Variants in CYP4F22 observed in about 807,000 individuals in gnomAD.
CYP4F22 encodes the protein ultra-long-chain fatty acid omega-hydroxylase.
Under a neutral mutation model 60.4 loss-of-function variants are expected in CYP4F22, and 37 were observed. That is an observed-to-expected ratio of 0.61 (90% CI 0.47 to 0.81). CYP4F22 has a LOEUF of 0.81. CYP4F22 is among the 30% of genes least tolerant of loss of function. CYP4F22 has a pLI of 0.00. For synonymous variants in CYP4F22, 258 were observed against 280.5 expected (o/e 0.92, Z 0.80); for missense variants, 655 against 715.0 (o/e 0.92, Z 0.96).
At chr19:15,509,889 C>CTTTCTTTCTTTCTTTCT (rs1356540776) in intron 1 of CYP4F22, among the ~76,000 whole-genome samples, 1 of 117,338 alleles carries the variant, frequency 8.5e-6, no homozygotes, top group Admixed American at 9.1e-5. Flanking sequence ...TCCTTCCTTC[C>CTTTCTTTCTTTCTTTCT]TTCCTTCCTT....
At chr19:15,516,433 A>G (rs1026581539) in intron 1 of CYP4F22, among the ~76,000 whole-genome samples, 6 of 152,208 alleles carry the variant, frequency 3.9e-5, no homozygotes, top group African/African-American at 1.2e-4. Context: ...GCTTCAGCCA[A>G]TGGAGACAGG....
rs1328847938 is a variant in CYP4F22, at chr19:15,551,580, T to A, written c.*109T>A. The A allele has an allele frequency of 3.7e-6, 5 of 1,351,266 alleles. No individual in the cohort carries two copies. The highest frequency in any genetic ancestry group is 5.0e-6 in the Non-Finnish European group (5 of 997,854). 83.7% of individuals were successfully genotyped at this position (1,351,266 alleles called of 1,614,324 possible). ...AGGCCACCCCCCTCGAAGTTCAGGT[T>A]CAGCTCCTGGATGACCAGGCACCGC... On this transcript the variant is annotated 3_prime_UTR_variant, in exon 14 of 14. Coordinates refer to ENST00000269703, the MANE Select transcript of CYP4F22 (RefSeq NM_173483.4).
intron 2 of CYP4F22, among the ~76,000 whole-genome samples, chr19:15,524,811 T>C (rs1224072987): frequency 1.3e-5 from 2 of 152,134 alleles, no homozygotes; most frequent in Non-Finnish European, 2.9e-5. Flanking sequence ...TAATTTTGTG[T>C]TATGCGAATC....
intron 10 of CYP4F22, among the ~76,000 whole-genome samples, chr19:15,546,575 C>A (rs529693054): frequency 1.2e-3 from 189 of 151,832 alleles, no homozygotes; most frequent in African/African-American, 4.3e-3. Flanking sequence ...AACAGCAAGA[C>A]GCCATCAAAA....
chr19:15,550,849 T>C (rs1173932664), intron 13 of CYP4F22, 93 bp downstream of exon 13: 1 of 1,477,712 alleles, frequency 6.8e-7, no homozygotes, highest in East Asian at 2.3e-5. Flanking sequence ...AGAGATCAGA[T>C]GGCACCCAGG....
chr19:15,519,847 A>G (rs908748365), intron 1 of CYP4F22, among the ~76,000 whole-genome samples: 9 of 152,048 alleles, frequency 5.9e-5, no homozygotes, highest in African/African-American at 2.2e-4. Flanking sequence ...CCCCACACCC[A>G]CTGACCGGGC....
In CYP4F22 at chr19:15,515,193, C is replaced by T. The variant is rs1309277627; in HGVS notation, c.-109+6610C>T. 1.4e-5 allele frequency: 8 copies of T among 554,554 alleles called. No homozygotes were observed. In the Admixed American group the frequency reaches 1.8e-4, roughly 12 times the overall value. The allele number at this position is 554,554 out of a possible 1,614,324, so 34.4% of individuals were successfully genotyped here. A position where few individuals can be genotyped will look rare whatever the true frequency, so the allele number is the denominator to read the frequency against. On this transcript the variant is annotated intron_variant, in intron 1 of 13. Transcript: ENST00000269703. The stretch of plus-strand genomic sequence containing the variant: ...GTCCAGCCCGGCCACAGCCACCTCC[C>T]CTGTTGTGTTCCCTGCTGCTGCCCA...
At chr19:15,541,390 G>A (rs1971460173) in intron 8 of CYP4F22, among the ~76,000 whole-genome samples, 2 of 152,114 alleles carry the variant, frequency 1.3e-5, no homozygotes, top group African/African-American at 4.8e-5. Flanking sequence ...TTCCCTCTGT[G>A]CCTGTCTCTG....
intron 10 of CYP4F22, among the ~76,000 whole-genome samples, chr19:15,545,768 T>A: frequency 6.6e-6 from 1 of 152,050 alleles, no homozygotes; most frequent in Non-Finnish European, 1.5e-5. Context: ...TATTTCAACC[T>A]TTTGCCTTAT....
intron 1 of CYP4F22, among the ~76,000 whole-genome samples, chr19:15,509,855 T>TC (rs1229862936): frequency 5.2e-4 from 13 of 25,086 alleles, no homozygotes; most frequent in South Asian, 4.0e-3. Context: ...GACCCATCTC[T>TC]CCTTCCTTCC....
rs778478483 is a variant in CYP4F22 at position 15,550,718 on chromosome 19, C to T, written c.1380C>T (p.Arg460=). Reference sequence around the variant, plus strand: ...TTGACCCGGACAACCCACAGCAGCGCTCTCCACTGGCCTATGTGCCCTTCT... The same window carrying T: ...TTGACCCGGACAACCCACAGCAGCGTTCTCCACTGGCCTATGTGCCCTTCT... The part of the protein sequence containing the change: ...YRFDPDNPQQ[R]SPLAYVPFSA... Residue 460 remains arginine (R), a synonymous_variant, in exon 13 of 14, where the codon CGC becomes CGT. Transcript: ENST00000269703. 6.2e-7 allele frequency: 1 copy of T among 1,614,208 alleles called. No individual in the cohort carries two copies. Among genetic ancestry groups the T allele is most frequent in the Non-Finnish European group, 8.5e-7 (1 of 1,180,030 alleles).
chr19:15,551,741 G>T lies in CYP4F22; in HGVS notation c.*270G>T. ...CTGTCCTGTTTGAGGGACCAGGGTC[G>T]ACCCTGCCCCCTTGGGCTCAGGCCC... On this transcript the variant is annotated 3_prime_UTR_variant, in exon 14 of 14. Coordinates refer to ENST00000269703, the MANE Select transcript of CYP4F22 (RefSeq NM_173483.4). 1.8e-6 allele frequency: 1 copy of T among 556,478 alleles called. No homozygotes were observed. The highest frequency in any genetic ancestry group is 3.2e-6 in the Non-Finnish European group (1 of 311,772). 34.5% of individuals were successfully genotyped at this position (556,478 alleles called of 1,614,324 possible).
In CYP4F22 at chr19:15,540,695, T is replaced by C. The variant is rs370734976; in HGVS notation, c.917T>C (p.Ile306Thr). 3 of 1,613,818 alleles carry C rather than the reference T, an allele frequency of 1.9e-6. No homozygotes were observed. Among genetic ancestry groups the C allele is most frequent in the Non-Finnish European group, 2.5e-6 (3 of 1,179,988 alleles). Residue 306 changes from isoleucine to threonine, a missense_variant, in exon 8 of 14, where the codon ATT (isoleucine) becomes ACT (threonine). Physicochemically the swap from Ile to Thr is moderately conservative, Grantham distance 89 (BLOSUM62 -1). Around this residue, in one of 3 missense-constraint regions of CYP4F22, gnomAD observed 430 missense variants for 457.1 expected, o/e 0.94. Transcript: ENST00000269703. ...KAKQGKTLDF[I>T]DVLLLARDED... is the part of the protein sequence containing the mutation. ...AAGCAGGGGAAGACCTTGGACTTTA[T>C]TGATGTGCTGCTCCTGGCCAGGGTG... is the stretch of plus-strand genomic sequence containing the variant.
intron 1 of CYP4F22, among the ~76,000 whole-genome samples, chr19:15,520,342 T>C (rs941301224): frequency 7.7e-6 from 1 of 129,856 alleles, no homozygotes; most frequent in African/African-American, 2.8e-5. Flanking sequence ...CAAGCCTCCA[T>C]CTCAAAAAAA....
chr19:15,533,948 C>T (rs1271523150), intron 4 of CYP4F22, among the ~76,000 whole-genome samples: 1 of 151,980 alleles, frequency 6.6e-6, no homozygotes, highest in East Asian at 1.9e-4. Flanking sequence ...GTTTTCATTT[C>T]TCTCTTGGGT....
chr19:15,510,966 A>ATATATATTTTTT (rs34055543), intron 1 of CYP4F22, among the ~76,000 whole-genome samples: 78 of 103,298 alleles, frequency 7.6e-4, no homozygotes, highest in African/African-American at 3.2e-3. Context: ...ATATATATAT[A>ATATATATTTTTT]TTTTTTTTTT....
intron 1 of CYP4F22, among the ~76,000 whole-genome samples, chr19:15,508,876 C>T (rs1971051064): frequency 6.7e-6 from 1 of 149,898 alleles, no homozygotes; most frequent in Admixed American, 6.6e-5. Context: ...GCATCCTTTT[C>T]TCTGGGTATC....
At chr19:15,550,367 G>A (rs576574299) in intron 12 of CYP4F22, among the ~76,000 whole-genome samples, 116 of 152,336 alleles carry the variant, frequency 7.6e-4, no homozygotes, top group Middle Eastern at 3.4e-3. Flanking sequence ...AGCTCGAGTG[G>A]TTATGAAAGG....
At chr19:15,513,575 A>G (rs1241645421) in intron 1 of CYP4F22, among the ~76,000 whole-genome samples, 1 of 151,966 alleles carries the variant, frequency 6.6e-6, no homozygotes, top group African/African-American at 2.4e-5. Context: ...CGTGTTAGCT[A>G]GGATGGTCTC....
Sources: gnomAD v4.1 joint callset for allele counts (sites outside exome capture counted in the v4.1 genomes callset) on GRCh38, gnomAD v4.1.1 for gene constraint, gnomAD v4.1.1 regional missense constraint, MANE v1.5 for transcripts, NCBI Gene and HGNC (gene_info 2026-07-23, HGNC 2026-07-21) for gene names.